Variants in VAT1L observed in about 807,000 individuals in gnomAD.
VAT1L encodes putative NADPH-dependent quinone oxidoreductase VAT1L.
A neutral mutation model predicts 44.1 loss-of-function variants in VAT1L; 34 were observed. The observed-to-expected ratio is 0.77, with a 90% CI of 0.59 to 1.03. The LOEUF (loss-of-function observed/expected upper bound fraction) is 1.03, where lower values mean the gene tolerates loss of function less well. VAT1L is among the 50% of genes least tolerant of loss of function. VAT1L has a pLI of 0.00. For missense variants in VAT1L, 615 were observed against 538.8 expected, an observed-to-expected ratio of 1.14 and a Z score of -1.40; for synonymous variants, 253 against 202.2, an observed-to-expected ratio of 1.25 and a Z score of -2.13.
At chr16:77,820,690 T>C (rs1567477189) in intron 2 of VAT1L, among the ~76,000 whole-genome samples, 1 of 152,152 alleles carries the variant, frequency 6.6e-6, no homozygotes, top group African/African-American at 2.4e-5. Context: ...CTCCTTCACT[T>C]TCCAGCTTCA....
chr16:77,860,253 G>C (rs2016902531), intron 3 of VAT1L, among the ~76,000 whole-genome samples: 1 of 152,166 alleles, frequency 6.6e-6, no homozygotes, highest in Non-Finnish European at 1.5e-5. Flanking sequence ...TGTTACAGCA[G>C]CACTAGGAAA....
intron 7 of VAT1L, among the ~76,000 whole-genome samples, chr16:77,923,727 G>A (rs1377093900): frequency 6.6e-6 from 1 of 152,156 alleles, no homozygotes; most frequent in Non-Finnish European, 1.5e-5. Context: ...CTCAAAGTTG[G>A]TACCCAGGGT....
At chr16:77,838,544 G>A (rs913496734) in intron 3 of VAT1L, among the ~76,000 whole-genome samples, 2 of 151,948 alleles carry the variant, frequency 1.3e-5, no homozygotes, top group Non-Finnish European at 2.9e-5. Context: ...CCGACTCCAC[G>A]ACAGGATAGA....
chr16:77,949,940 C>T (rs2018020591), intron 7 of VAT1L, among the ~76,000 whole-genome samples: 1 of 152,206 alleles, frequency 6.6e-6, no homozygotes, highest in Admixed American at 6.5e-5. Context: ...GTGTTACTTA[C>T]ACAGCTTCTA....
Position 77,825,362 on chromosome 16 carries a change from A to G in VAT1L, c.480A>G (p.Ala160=). ...PDDMSFSEAA[A]FPMNFVTAYV... ...ACATGAGCTTCTCCGAGGCTGCTGC[A>G]TTCCCCATGAACTTCGTCACAGCCT... is the stretch of plus-strand genomic sequence containing the variant. The change falls in exon 3 of 9, where the codon GCA becomes GCG. Residue 160 remains alanine (A), a synonymous_variant. Coordinates refer to ENST00000302536, the MANE Select transcript of VAT1L (RefSeq NM_020927.3). 4 of 1,614,140 alleles carry G rather than the reference A, an allele frequency of 2.5e-6. No homozygotes were observed. The highest frequency in any genetic ancestry group is 2.5e-6 in the Non-Finnish European group (3 of 1,180,034).
intron 3 of VAT1L, among the ~76,000 whole-genome samples, chr16:77,826,798 TA>T (rs1328337913): frequency 3.3e-5 from 5 of 152,206 alleles, no homozygotes; most frequent in African/African-American, 1.2e-4. Context: ...TCTGTGGATA[TA>T]GAGATTAATC....
intron 7 of VAT1L, among the ~76,000 whole-genome samples, chr16:77,940,416 T>A (rs1233422540): frequency 6.9e-6 from 1 of 145,864 alleles, no homozygotes; most frequent in Non-Finnish European, 1.5e-5. Flanking sequence ...CAGTCTTGGC[T>A]CACTGCAACC....
intron 1 of VAT1L, among the ~76,000 whole-genome samples, chr16:77,811,456 GAC>G (rs2016264414): frequency 6.6e-6 from 1 of 152,090 alleles, no homozygotes; most frequent in African/African-American, 2.4e-5. Flanking sequence ...GGGACAAGAA[GAC>G]ACAGCGGCCT....
At chr16:77,915,533 G>C (rs991289350) in intron 7 of VAT1L, among the ~76,000 whole-genome samples, 1 of 151,678 alleles carries the variant, frequency 6.6e-6, no homozygotes, top group East Asian at 1.9e-4. Flanking sequence ...CCTGTGAGTT[G>C]GTCTACCTAT....
intron 6 of VAT1L, chr16:77,882,029 A>G (rs1482681846): frequency 1.3e-5 from 2 of 152,264 alleles, no homozygotes; most frequent in East Asian, 3.9e-4. Flanking sequence ...TCCTCTGCCC[A>G]AAGCAGGGGT....
intron 3 of VAT1L, among the ~76,000 whole-genome samples, chr16:77,848,239 A>G (rs1159004642): frequency 6.6e-6 from 1 of 152,142 alleles, no homozygotes. Flanking sequence ...CTGACTAGAG[A>G]GGCAATTAGT....
chr16:77,975,194 C>CTTTTTT lies in VAT1L; in HGVS notation c.1162-2374_1162-2369dup, dbSNP rs35017686. Among the ~76,000 whole-genome samples, 58 of 39,856 alleles carry CTTTTTT rather than the reference C, an allele frequency of 1.5e-3. 7 individuals are homozygous for CTTTTTT. Among genetic ancestry groups the CTTTTTT allele is most frequent in the East Asian group, 5.1e-3 (5 of 990 alleles). 26.1% of individuals were successfully genotyped at this position (39,856 alleles called of 152,430 possible). On this transcript the variant is annotated intron_variant, in intron 8 of 8. Transcript: ENST00000302536. ...GTGCTTTCTCCTACTGGAATGACCACTTTTTTTTTTTTTTTTTTTTTTTTT... is the reference window on the plus strand; with the variant it reads ...GTGCTTTCTCCTACTGGAATGACCACTTTTTTTTTTTTTTTTTTTTTTTTTTTTTTT...
intron 1 of VAT1L, among the ~76,000 whole-genome samples, chr16:77,803,536 C>CA (rs1490511323): frequency 1.3e-5 from 2 of 150,708 alleles, no homozygotes; most frequent in Non-Finnish European, 2.9e-5. Context: ...TCTCCTGCCT[C>CA]AGTCTCCAGA....
intron 1 of VAT1L, among the ~76,000 whole-genome samples, chr16:77,792,411 G>A (rs1197508358): frequency 2.6e-5 from 4 of 152,066 alleles, no homozygotes; most frequent in Admixed American, 2.0e-4. Flanking sequence ...CCTTTTTCAG[G>A]TGGTTTATTG....
At chr16:77,838,887 C>G (rs2016670446) in intron 3 of VAT1L, among the ~76,000 whole-genome samples, 2 of 151,904 alleles carry the variant, frequency 1.3e-5, no homozygotes, top group African/African-American at 2.4e-5. Context: ...TCTCCACCCC[C>G]CACCCCCATC....
chr16:77,884,702 G>C lies in VAT1L; in HGVS notation c.977G>C (p.Gly326Ala), dbSNP rs1177288766. The change falls in exon 7 of 9, where the codon GGC (glycine) becomes GCC (alanine). Residue 326 changes from glycine (G) to alanine (A), a missense_variant. Transcript: ENST00000302536. The surrounding 1 kb of genome is among the most constrained non-coding windows in gnomAD (Gnocchi z 4.5). ...CTTTTAAATCTGCTCTTCAAACAAG[G>C]CCGGGCGGGCCTCATTCGGGGAGTG... ...FSLLNLLFKQGRAGLIRGVVE... is the reference protein window; with the variant it reads ...FSLLNLLFKQARAGLIRGVVE... The C allele has an allele frequency of 1.2e-6, 2 of 1,611,632 alleles. No homozygotes were observed. The highest frequency in any genetic ancestry group is 1.7e-5 in the Admixed American group (1 of 59,766).
chr16:77,904,271 T>A (rs935097130), intron 7 of VAT1L, among the ~76,000 whole-genome samples: 1 of 152,138 alleles, frequency 6.6e-6, no homozygotes, highest in East Asian at 1.9e-4. Context: ...CCTGCTTTTT[T>A]TACAACAGCT....
intron 7 of VAT1L, among the ~76,000 whole-genome samples, chr16:77,961,112 TG>T (rs2018155403): frequency 6.6e-6 from 1 of 152,184 alleles, no homozygotes; most frequent in South Asian, 2.1e-4. Flanking sequence ...GCTCCTGTGC[TG>T]CTGTCTGTCT....
In VAT1L at chr16:77,880,752, C is replaced by T. The variant is rs1005757077; in HGVS notation, c.882+1528C>T. On this transcript the variant is annotated intron_variant, in intron 6 of 8. Coordinates refer to ENST00000302536, the MANE Select transcript of VAT1L (RefSeq NM_020927.3). ...GTACCCAATAGTTTTTCAACCCCTG[C>T]CCCCCTCCCAGTCCCCTTTAGTGGT... Among the ~76,000 whole-genome samples, 5 of 146,608 alleles carry T rather than the reference C, an allele frequency of 3.4e-5. No individual in the cohort carries two copies. In the South Asian group the frequency reaches 1.0e-3, roughly 31 times the overall value.
Sources: allele counts gnomAD v4.1 joint callset (sites outside exome capture counted in the v4.1 genomes callset), GRCh38; gene constraint gnomAD v4.1.1; non-coding constraint Gnocchi (gnomAD v3.1); transcripts MANE v1.5; gene names NCBI Gene and HGNC (gene_info 2026-07-23, HGNC 2026-07-21).